KLHL29: variants seen among roughly 807,000 people sequenced by gnomAD.
KLHL29 encodes kelch-like protein 29.
In KLHL29, 21 loss-of-function variants were observed where a neutral mutation model predicts 80.4. That is an observed-to-expected ratio of 0.26 (90% CI 0.19 to 0.38). KLHL29 has a LOEUF of 0.38. KLHL29 is among the 10% of genes least tolerant of loss of function. KLHL29 has a pLI of 1.00. For missense variants in KLHL29, 867 were observed against 1,223.9 expected (o/e 0.71, Z 4.35); for synonymous variants, 511 against 526.8 (o/e 0.97, Z 0.41).
At chr2:23,697,549 C>A (rs1290877430) in intron 11 of KLHL29, 9 of 152,258 alleles carry the variant, frequency 5.9e-5, no homozygotes, top group Non-Finnish European at 1.5e-5. Context: ...GCCACACATA[C>A]CCCTCAATTT....
chr2:23,646,573 G>C (rs1345474002), intron 5 of KLHL29, among the ~76,000 whole-genome samples: 1 of 152,176 alleles, frequency 6.6e-6, no homozygotes, highest in African/African-American at 2.4e-5. Flanking sequence ...CAGGGGCCTA[G>C]GGTGAGGGGT....
chr2:23,403,726 AGT>A (rs36116395), intron 1 of KLHL29, among the ~76,000 whole-genome samples: 22,490 of 143,320 alleles, frequency 0.16, 2,093 homozygotes, highest in African/African-American at 0.27. Flanking sequence ...AGAGAGAGAG[AGT>A]GTGTGTGTGT....
chr2:23,438,100 G>A (rs1432914277), intron 1 of KLHL29, among the ~76,000 whole-genome samples: 1 of 150,054 alleles, frequency 6.7e-6, no homozygotes, highest in Non-Finnish European at 1.5e-5. Flanking sequence ...CTCATGATTT[G>A]GCTCTCTGTT....
chr2:23,574,996 TGTG>T (rs557879365), intron 3 of KLHL29, among the ~76,000 whole-genome samples: 78 of 151,864 alleles, frequency 5.1e-4, no homozygotes, highest in African/African-American at 1.7e-3. Flanking sequence ...CCTGGGAAAA[TGTG>T]GAGTCAGCAC....
At chr2:23,673,412 A>C (rs569450961) in intron 5 of KLHL29, among the ~76,000 whole-genome samples, 5 of 151,304 alleles carry the variant, frequency 3.3e-5, no homozygotes, top group Non-Finnish European at 7.4e-5. Flanking sequence ...GTACATACAC[A>C]TACAGGCACG....
intron 2 of KLHL29, among the ~76,000 whole-genome samples, chr2:23,488,686 A>T (rs1665002298): frequency 2.0e-5 from 3 of 152,230 alleles, no homozygotes; most frequent in Admixed American, 6.5e-5. Context: ...CAAAAGGAGG[A>T]GACAGAATCA....
At chr2:23,540,915 A>G (rs1165230927) in intron 2 of KLHL29, among the ~76,000 whole-genome samples, 4 of 152,208 alleles carry the variant, frequency 2.6e-5, no homozygotes, top group South Asian at 2.1e-4. Flanking sequence ...TATCGTATCT[A>G]TGGGATTTGG....
At chr2:23,408,347 C>T (rs954598543) in intron 1 of KLHL29, among the ~76,000 whole-genome samples, 2 of 141,408 alleles carry the variant, frequency 1.4e-5, no homozygotes, top group Admixed American at 7.3e-5. Flanking sequence ...CGATGAGATC[C>T]GTAAATTGAT....
chr2:23,493,665 G>A lies in KLHL29; in HGVS notation c.-46+17998G>A, dbSNP rs149346249. Reference sequence around the variant, plus strand: ...TGTGAGTGTGTGTGTGTGCGCGCATGTGTGTGCATGTGTATGTGTGTGTGC... The same window carrying A: ...TGTGAGTGTGTGTGTGTGCGCGCATATGTGTGCATGTGTATGTGTGTGTGC... On this transcript the variant is annotated intron_variant, in intron 2 of 13. Transcript: ENST00000486442. Among the ~76,000 whole-genome samples the A allele has an allele frequency of 1.8e-3, 269 of 152,182 alleles. 2 individuals are homozygous for A. The highest frequency in any genetic ancestry group is 6.3e-3 in the African/African-American group (261 of 41,536).
intron 1 of KLHL29, among the ~76,000 whole-genome samples, chr2:23,440,884 C>A (rs1663497908): frequency 1.3e-5 from 2 of 152,176 alleles, no homozygotes; most frequent in Non-Finnish European, 2.9e-5. Flanking sequence ...GTTGGTGGGA[C>A]TGTAAACTAG....
At position 23,639,159 on chromosome 2, in the gene KLHL29, G is replaced by A; in HGVS notation, c.306G>A (p.Gly102=). Residue 102 remains glycine, a synonymous_variant, in exon 4 of 14, where the codon GGG becomes GGA. Transcript: ENST00000486442. ...VTTKAPGISK[G]DSQSQGLATS... The stretch of plus-strand genomic sequence containing the variant: ...CACAGGCTCCCGGCATCTCCAAAGG[G>A]GACAGTCAGTCCCAGGGACTGGCGA... 6.5e-7 allele frequency: 1 copy of A among 1,539,654 alleles called. No homozygotes were observed. The highest frequency in any genetic ancestry group is 8.8e-7 in the Non-Finnish European group (1 of 1,142,658).
At chr2:23,525,331 C>T (rs1666269976) in intron 2 of KLHL29, among the ~76,000 whole-genome samples, 1 of 152,220 alleles carries the variant, frequency 6.6e-6, no homozygotes, top group African/African-American at 2.4e-5. Context: ...GGGGTTTGGC[C>T]CAGAGAATTT....
intron 3 of KLHL29, among the ~76,000 whole-genome samples, chr2:23,634,842 G>A (rs1028522385): frequency 6.6e-6 from 1 of 152,158 alleles, no homozygotes; most frequent in African/African-American, 2.4e-5. Flanking sequence ...CACTCTCCCT[G>A]GAATCCACCC....
intron 5 of KLHL29, chr2:23,672,592 A>T (rs974512931): frequency 2.6e-5 from 4 of 151,792 alleles, no homozygotes; most frequent in African/African-American, 9.8e-5. Flanking sequence ...GGCCTCTAGC[A>T]CCACAGCTGA....
chr2:23,524,057 G>A (rs1192717216), intron 2 of KLHL29: 7 of 471,242 alleles, frequency 1.5e-5, no homozygotes, highest in South Asian at 4.6e-5. Flanking sequence ...TTCCTCTTCC[G>A]AAGGCCTTCC....
rs193043583 is a variant in KLHL29 at position 23,545,982 on chromosome 2, C to T, written c.-45-16170C>T. ...CTCTGTGTGCCGCTGCAGGGCCAGC[C>T]CTCTGTAAATGGACTGCCTGTGCCT... On this transcript the variant is annotated intron_variant, in intron 2 of 13. Coordinates refer to ENST00000486442, the MANE Select transcript of KLHL29 (RefSeq NM_052920.2). 2.0e-5 allele frequency among the ~76,000 whole-genome samples: 3 copies of T among 152,336 alleles called. No homozygotes were observed. In the East Asian group the frequency reaches 5.8e-4, roughly 29 times the overall value.
intron 1 of KLHL29, among the ~76,000 whole-genome samples, chr2:23,462,903 G>C (rs1319498610): frequency 6.6e-6 from 1 of 152,194 alleles, no homozygotes; most frequent in African/African-American, 2.4e-5. Flanking sequence ...GGGAGGCCAA[G>C]GTGGGAGGAT....
Position 23,696,575 on chromosome 2 carries a change from C to T in KLHL29, c.2105+62C>T, listed in dbSNP as rs1221018078. ...TGCTCACCAAGAACTGAAATCACGT[C>T]ACTCACTGTACCTCCCAACACCCAC... On this transcript the variant is annotated intron_variant, in intron 11 of 13. Transcript: ENST00000486442. The surrounding 1 kb of genome is among the most constrained non-coding windows in gnomAD (Gnocchi z 5.5). The T allele has an allele frequency of 7.5e-6, 10 of 1,327,904 alleles. No individual in the cohort carries two copies. The highest frequency in any genetic ancestry group is 1.0e-5 in the Non-Finnish European group (10 of 977,204). The allele number at this position is 1,327,904 out of a possible 1,614,324, so 82.3% of individuals were successfully genotyped here. A position where few individuals can be genotyped will look rare whatever the true frequency, so the allele number is the denominator to read the frequency against.
chr2:23,632,885 A>C (rs981397948), intron 3 of KLHL29, among the ~76,000 whole-genome samples: 1 of 152,160 alleles, frequency 6.6e-6, no homozygotes, highest in Admixed American at 6.5e-5. Flanking sequence ...CTGCAGTCTC[A>C]CCTAAGTGGG....
Sources: gnomAD v4.1 joint callset for allele counts (sites outside exome capture counted in the v4.1 genomes callset) on GRCh38, gnomAD v4.1.1 for gene constraint, Gnocchi (gnomAD v3.1) non-coding constraint, MANE v1.5 for transcripts, NCBI Gene and HGNC (gene_info 2026-07-23, HGNC 2026-07-21) for gene names.